Variants in SPPL3 observed in about 807,000 individuals in gnomAD.
SPPL3 encodes signal peptide peptidase like 3.
In SPPL3, 5 loss-of-function variants were observed where a neutral mutation model predicts 42.4. That is an observed-to-expected ratio of 0.12 (90% CI 0.06 to 0.25). SPPL3 has a LOEUF of 0.25. Among genes scored for constraint, SPPL3 ranks in the 10% least tolerant of loss-of-function variants. The probability of loss-of-function intolerance (pLI) is 1.00; values close to 1 mark genes in which losing one functional copy is unlikely to be tolerated. For synonymous variants in SPPL3, 195 were observed against 181.8 expected, an observed-to-expected ratio of 1.07 and a Z score of -0.58; for missense variants, 235 against 489.0, an observed-to-expected ratio of 0.48 and a Z score of 4.90.
intron 1 of SPPL3, 190 bp from the exon 2 acceptor site, chr12:120,811,076 G>A: frequency 2.1e-6 from 1 of 472,976 alleles, no homozygotes; most frequent in Non-Finnish European, 3.7e-6. Flanking sequence ...AGAATAAATT[G>A]GTAGGTTTAC....
At chr12:120,828,522 A>G (rs1206356074) in intron 1 of SPPL3, among the ~76,000 whole-genome samples, 1 of 152,228 alleles carries the variant, frequency 6.6e-6, no homozygotes, top group Non-Finnish European at 1.5e-5. Flanking sequence ...GCAGAAATCC[A>G]TCGGCTAGTT....
At chr12:120,816,684 G>T (rs148361780) in intron 1 of SPPL3, among the ~76,000 whole-genome samples, 1 of 151,964 alleles carries the variant, frequency 6.6e-6, no homozygotes, top group African/African-American at 2.4e-5. Context: ...GCTAATTTTT[G>T]TATTTTTTGT....
At chr12:120,849,159 C>T (rs987802443) in intron 1 of SPPL3, among the ~76,000 whole-genome samples, 1 of 151,172 alleles carries the variant, frequency 6.6e-6, no homozygotes, top group Admixed American at 6.6e-5. Context: ...CAGAGATCCT[C>T]CCTCTAAAAC....
At chr12:120,776,009 A>G (rs958471232) in intron 6 of SPPL3, among the ~76,000 whole-genome samples, 2 of 152,240 alleles carry the variant, frequency 1.3e-5, no homozygotes, top group Non-Finnish European at 2.9e-5. Context: ...ACTACAGTGT[A>G]TTACACAACA....
intron 1 of SPPL3, among the ~76,000 whole-genome samples, chr12:120,873,474 C>T (rs1392675474): frequency 6.6e-6 from 1 of 152,092 alleles, no homozygotes; most frequent in Non-Finnish European, 1.5e-5. Flanking sequence ...AAGAAACATA[C>T]ATAAAACCAC....
chr12:120,829,275 T>C (rs564087000), intron 1 of SPPL3, among the ~76,000 whole-genome samples: 9 of 152,126 alleles, frequency 5.9e-5, no homozygotes, highest in African/African-American at 1.9e-4. Flanking sequence ...AAAAGAAAAT[T>C]TGATAGGTCA....
chr12:120,896,330 C>A (rs11065318), intron 1 of SPPL3, among the ~76,000 whole-genome samples: 3,380 of 152,234 alleles, frequency 0.022, 65 homozygotes, highest in South Asian at 0.066. Context: ...GGTAACAATT[C>A]ATTGAGAGGA....
intron 1 of SPPL3, among the ~76,000 whole-genome samples, chr12:120,858,622 T>G (rs1241317061): frequency 6.6e-6 from 1 of 151,986 alleles, no homozygotes; most frequent in African/African-American, 2.4e-5. Context: ...GATAATGCCT[T>G]AAAGAAACTA....
rs1202207409 is a variant in SPPL3 at position 120,792,666 on chromosome 12, C to G, written c.102-1109G>C. On this transcript the variant is annotated intron_variant, in intron 2 of 10. Transcript: ENST00000353487. ...AGTGAGCCAAGATTGCGCCACTGCACTCCGGCCTGGCAACAGAGTGAGACT... is the reference window on the plus strand; with the variant it reads ...AGTGAGCCAAGATTGCGCCACTGCAGTCCGGCCTGGCAACAGAGTGAGACT... Among the ~76,000 whole-genome samples the G allele has an allele frequency of 2.1e-5, 3 of 145,384 alleles. No individual in the cohort carries two copies. In the South Asian group the frequency reaches 6.5e-4, roughly 31 times the overall value.
chr12:120,766,891 A>C (rs569538925), intron 9 of SPPL3, among the ~76,000 whole-genome samples: 1 of 152,288 alleles, frequency 6.6e-6, no homozygotes, highest in East Asian at 1.9e-4. Context: ...TACGGAGTGC[A>C]AAAGCTCCTT....
chr12:120,789,137 A>G (rs1243983806), intron 3 of SPPL3, among the ~76,000 whole-genome samples: 1 of 152,232 alleles, frequency 6.6e-6, no homozygotes, highest in African/African-American at 2.4e-5. Flanking sequence ...ATAATTTAGT[A>G]CAACATAGCT....
At chr12:120,861,990 T>C (rs987131125) in intron 1 of SPPL3, among the ~76,000 whole-genome samples, 3 of 152,136 alleles carry the variant, frequency 2.0e-5, no homozygotes, top group African/African-American at 7.2e-5. Flanking sequence ...AAAACAATAG[T>C]AAATAAGTGA....
chr12:120,779,630 A>G lies in SPPL3; in HGVS notation c.502+3025T>C, dbSNP rs1869451369. On this transcript the variant is annotated intron_variant, in intron 6 of 10. Coordinates refer to ENST00000353487, the MANE Select transcript of SPPL3 (RefSeq NM_139015.5). ...TTGTGGGGCAGAGCAGTTAGATAAAAATTTTTTGAGATTACAAAAGTGAAC... is the reference window on the plus strand; with the variant it reads ...TTGTGGGGCAGAGCAGTTAGATAAAGATTTTTTGAGATTACAAAAGTGAAC... Among the ~76,000 whole-genome samples the G allele has an allele frequency of 3.3e-5, 5 of 152,058 alleles. No individual in the cohort carries two copies. In the South Asian group the frequency reaches 1.0e-3, roughly 32 times the overall value.
At chr12:120,898,530 A>C (rs530769661) in intron 1 of SPPL3, among the ~76,000 whole-genome samples, 172 of 152,176 alleles carry the variant, frequency 1.1e-3, no homozygotes, top group African/African-American at 4.1e-3. Flanking sequence ...AAGTGTGGCC[A>C]AAACCCATAC....
chr12:120,813,144 G>A (rs1870738964), intron 1 of SPPL3, among the ~76,000 whole-genome samples: 1 of 151,910 alleles, frequency 6.6e-6, no homozygotes. Context: ...TTTTTTTAAG[G>A]TGAGAGATGC....
At chr12:120,885,710 C>A (rs927951583) in intron 1 of SPPL3, among the ~76,000 whole-genome samples, 5 of 152,232 alleles carry the variant, frequency 3.3e-5, no homozygotes, top group Non-Finnish European at 5.9e-5. Flanking sequence ...TAAGGGATCA[C>A]AACTCAATTG....
chr12:120,821,849 G>A (rs955389279), intron 1 of SPPL3, among the ~76,000 whole-genome samples: 4 of 152,166 alleles, frequency 2.6e-5, no homozygotes, highest in African/African-American at 9.7e-5. Flanking sequence ...TAACCCAAGT[G>A]TCTATCGGTG....
chr12:120,775,089 G>A (rs1385468199), intron 6 of SPPL3, among the ~76,000 whole-genome samples: 5 of 151,988 alleles, frequency 3.3e-5, no homozygotes, highest in Non-Finnish European at 7.4e-5. Flanking sequence ...TCACATTCGC[G>A]ATACAGGCTC....
At chr12:120,887,534 C>G (rs997447386) in intron 1 of SPPL3, among the ~76,000 whole-genome samples, 2 of 152,222 alleles carry the variant, frequency 1.3e-5, no homozygotes, top group African/African-American at 4.8e-5. Context: ...ATCACTTAAC[C>G]AAAGGGAAGA....
Sources: gnomAD v4.1 joint callset for allele counts (sites outside exome capture counted in the v4.1 genomes callset) on GRCh38, gnomAD v4.1.1 for gene constraint, MANE v1.5 for transcripts, NCBI Gene and HGNC (gene_info 2026-07-23, HGNC 2026-07-21) for gene names.